PLD1: variants seen among roughly 807,000 people sequenced by gnomAD.
The protein encoded by PLD1 is phospholipase D1.
In PLD1, 112 loss-of-function variants were observed where a neutral mutation model predicts 137.1. The observed-to-expected ratio is 0.82, with a 90% CI of 0.70 to 0.96. The LOEUF (loss-of-function observed/expected upper bound fraction) is 0.96, where lower values mean the gene tolerates loss of function less well. Among genes scored for constraint, PLD1 ranks in the 40% least tolerant of loss-of-function variants. The probability of loss-of-function intolerance (pLI) is 0.00; values close to 1 mark genes in which losing one functional copy is unlikely to be tolerated. For synonymous variants in PLD1, 431 were observed against 454.7 expected, an observed-to-expected ratio of 0.95 and a Z score of 0.66; for missense variants, 1,321 against 1,342.0, an observed-to-expected ratio of 0.98 and a Z score of 0.24.
chr3:171,686,759 T>C lies in PLD1; in HGVS notation c.1793A>G (p.His598Arg), dbSNP rs760581160. ...NHYRSHHNLIHGLKPHFKLFH... is the reference protein window; with the variant it reads ...NHYRSHHNLIRGLKPHFKLFH... ...GAGTTTGAAGTGGGGTTTTAAACCATGGATTAAATTGTGATGACTTCTATA... is the reference window on the plus strand; with the variant it reads ...GAGTTTGAAGTGGGGTTTTAAACCACGGATTAAATTGTGATGACTTCTATA... The change falls in exon 16 of 27, where the codon CAT (histidine) becomes CGT (arginine). Residue 598 changes from histidine (H) to arginine (R), a missense_variant. Physicochemically the swap from His to Arg is conservative, Grantham distance 29 (BLOSUM62 0). Coordinates refer to ENST00000351298, the MANE Select transcript of PLD1 (RefSeq NM_002662.5). 1.9e-6 allele frequency: 3 copies of C among 1,605,552 alleles called. No individual in the cohort carries two copies. The highest frequency in any genetic ancestry group is 1.1e-5 in the South Asian group (1 of 90,894).
At chr3:171,643,866 C>G (rs1017458324) in intron 22 of PLD1, among the ~76,000 whole-genome samples, 1 of 151,996 alleles carries the variant, frequency 6.6e-6, no homozygotes, top group Admixed American at 6.5e-5. Flanking sequence ...CTGGAGGAAA[C>G]AAACAAACAA....
At chr3:171,619,748 C>A (rs1213579951) in intron 24 of PLD1, among the ~76,000 whole-genome samples, 1 of 152,068 alleles carries the variant, frequency 6.6e-6, no homozygotes, top group Admixed American at 6.5e-5. Flanking sequence ...CCCCATTTAT[C>A]CCCCACCAAT....
intron 12 of PLD1, 86 bp downstream of exon 12, chr3:171,699,659 C>T (rs959766015): frequency 1.3e-5 from 12 of 907,462 alleles, no homozygotes; most frequent in South Asian, 4.5e-5. Context: ...AAAAGTTATA[C>T]GTGTGAAAGG....
chr3:171,691,210 TGA>T (rs1715115059), intron 13 of PLD1, among the ~76,000 whole-genome samples: 1 of 152,134 alleles, frequency 6.6e-6, no homozygotes, highest in Non-Finnish European at 1.5e-5. Flanking sequence ...GCAGCTAGAG[TGA>T]GTCTCTTGTA....
intron 23 of PLD1, among the ~76,000 whole-genome samples, chr3:171,635,970 T>TTTTTTTTTTTTTTTTTTTTTTG (rs1735088745): frequency 1.7e-5 from 1 of 57,596 alleles, no homozygotes. Context: ...AACTTCTTTT[T>TTTTTTTTTTTTTTTTTTTTTTG]TTTTTTTTTT....
At chr3:171,718,520 G>C (rs189172592) in intron 8 of PLD1, among the ~76,000 whole-genome samples, 5 of 152,294 alleles carry the variant, frequency 3.3e-5, no homozygotes. Flanking sequence ...ACAACAAAAA[G>C]AGGAGACTTC....
intron 6 of PLD1, among the ~76,000 whole-genome samples, chr3:171,730,846 C>T (rs1409239729): frequency 6.6e-6 from 1 of 152,156 alleles, no homozygotes; most frequent in Admixed American, 6.5e-5. Context: ...ACCATGTTGT[C>T]CAGGCTGGTC....
intron 11 of PLD1, among the ~76,000 whole-genome samples, chr3:171,706,739 T>C (rs1716726416): frequency 6.6e-6 from 1 of 152,212 alleles, no homozygotes; most frequent in Non-Finnish European, 1.5e-5. Context: ...CAACAAGAAT[T>C]TTCTTTACTT....
intron 18 of PLD1, among the ~76,000 whole-genome samples, chr3:171,675,846 T>TTC (rs1188179192): frequency 4.0e-5 from 2 of 50,470 alleles, no homozygotes; most frequent in Non-Finnish European, 7.7e-5. Flanking sequence ...ATATGTACTT[T>TTC]TTTTTTTTTT....
chr3:171,731,696 C>T (rs1008729014), intron 6 of PLD1, among the ~76,000 whole-genome samples: 11 of 151,834 alleles, frequency 7.2e-5, no homozygotes, highest in Non-Finnish European at 1.3e-4. Flanking sequence ...CACTTGAACC[C>T]GGGAGGCGGC....
At position 171,676,819 on chromosome 3, in the gene PLD1, A is replaced by G. The variant is rs1713415228; in HGVS notation, c.2011T>C (p.Tyr671His). 1 of 1,613,628 alleles carries G rather than the reference A, an allele frequency of 6.2e-7. No individual in the cohort carries two copies. Among genetic ancestry groups the G allele is most frequent in the Non-Finnish European group, 8.5e-7 (1 of 1,179,562 alleles). The stretch of plus-strand genomic sequence containing the variant: ...TGCCAGGGCATCCGGGGCGTGGAGT[A>G]CCTGTCAATGAAATCTGCCCGGGTG... ...DKPFADFIDRYSTPRMPWHDI... is the reference protein window; with the variant it reads ...DKPFADFIDRHSTPRMPWHDI... The change falls in exon 18 of 27, where the codon TAC (tyrosine) becomes CAC (histidine). Residue 671 changes from tyrosine (Y) to histidine (H), a missense_variant. By Grantham distance (83) the Tyr-to-His change is moderately conservative (BLOSUM62 2). Coordinates refer to ENST00000351298, the MANE Select transcript of PLD1 (RefSeq NM_002662.5).
intron 23 of PLD1, among the ~76,000 whole-genome samples, chr3:171,627,107 G>T (rs1734186505): frequency 6.6e-6 from 1 of 152,108 alleles, no homozygotes; most frequent in Non-Finnish European, 1.5e-5. Context: ...CTGTATTCAG[G>T]AAACCCATCT....
intron 1 of PLD1, among the ~76,000 whole-genome samples, chr3:171,767,104 C>A (rs1452949084): frequency 6.6e-6 from 1 of 152,132 alleles, no homozygotes; most frequent in African/African-American, 2.4e-5. Flanking sequence ...TCCTACTGGC[C>A]AAATTAAAAC....
At chr3:171,665,456 T>C (rs1712018025) in intron 19 of PLD1, among the ~76,000 whole-genome samples, 1 of 152,058 alleles carries the variant, frequency 6.6e-6, no homozygotes, top group Non-Finnish European at 1.5e-5. Flanking sequence ...TCCCAGCACT[T>C]TCGGAGGCCG....
At chr3:171,729,172 T>TA (rs1185421694) in intron 6 of PLD1, among the ~76,000 whole-genome samples, 2 of 152,248 alleles carry the variant, frequency 1.3e-5, no homozygotes, top group African/African-American at 4.8e-5. Context: ...GCAGGGCTTA[T>TA]TCCATTGATC....
At position 171,792,278 on chromosome 3, in the gene PLD1, A is replaced by G. The variant is rs374374765; in HGVS notation, c.-32+18121T>C. On this transcript the variant is annotated intron_variant, in intron 1 of 26. Transcript: ENST00000351298. ...ATTCCATCCTCTTTCCCTGTCTCACAGCCCAGCCACATATGCACCCTGTAC... is the reference window on the plus strand; with the variant it reads ...ATTCCATCCTCTTTCCCTGTCTCACGGCCCAGCCACATATGCACCCTGTAC... 7.1e-4 allele frequency: 173 copies of G among 245,186 alleles called. 2 individuals carry two copies. In the South Asian group the frequency reaches 8.1e-3, roughly 11 times the overall value. The allele number at this position is 245,186 out of a possible 1,614,324, so 15.2% of individuals were successfully genotyped here. A position where few individuals can be genotyped will look rare whatever the true frequency, so the allele number is the denominator to read the frequency against.
intron 7 of PLD1, among the ~76,000 whole-genome samples, chr3:171,725,086 G>A (rs928576351): frequency 7.2e-5 from 11 of 152,066 alleles, no homozygotes; most frequent in African/African-American, 2.7e-4. Flanking sequence ...GAGTGTTCCC[G>A]TTAACTCGTC....
In PLD1 at chr3:171,791,996, T is replaced by A. The variant is rs1326425785; in HGVS notation, c.-32+18403A>T. The A allele has an allele frequency of 2.0e-5, 3 of 152,692 alleles. No individual in the cohort carries two copies. In the East Asian group the frequency reaches 5.8e-4, roughly 29 times the overall value. The allele number at this position is 152,692 out of a possible 1,614,324, so 9.5% of individuals were successfully genotyped here. A position where few individuals can be genotyped will look rare whatever the true frequency, so the allele number is the denominator to read the frequency against. ...GGCCTGGCTCCCTTTCCCAACACCA[T>A]CCCTTAAACACTGGTGTTCTTCAGG... On this transcript the variant is annotated intron_variant, in intron 1 of 26. Transcript: ENST00000351298.
chr3:171,720,591 A>G (rs1411813749), intron 8 of PLD1, among the ~76,000 whole-genome samples: 1 of 152,066 alleles, frequency 6.6e-6, no homozygotes, highest in Non-Finnish European at 1.5e-5. Flanking sequence ...TCAAAAAAAA[A>G]AAAAAGTCTT....
Sources: gnomAD v4.1 joint callset for allele counts (sites outside exome capture counted in the v4.1 genomes callset) on GRCh38, gnomAD v4.1.1 for gene constraint, MANE v1.5 for transcripts, NCBI Gene and HGNC (gene_info 2026-07-23, HGNC 2026-07-21) for gene names.